Variants in CTNNA2 observed in about 807,000 individuals in gnomAD.
The protein encoded by CTNNA2 is catenin alpha-2.
In CTNNA2, 42 loss-of-function variants were observed where a neutral mutation model predicts 101.0. That is an observed-to-expected ratio of 0.42 (90% CI 0.32 to 0.54). CTNNA2 has a LOEUF of 0.54. Ranked by LOEUF, CTNNA2 falls within the 20% of genes least tolerant of loss-of-function variation. The pLI is 0.14. For missense variants in CTNNA2, 871 were observed against 1,223.1 expected, an observed-to-expected ratio of 0.71 and a Z score of 4.29; for synonymous variants, 450 against 456.4, an observed-to-expected ratio of 0.99 and a Z score of 0.18.
intron 7 of CTNNA2, among the ~76,000 whole-genome samples, chr2:80,097,887 T>C (rs1446907291): frequency 6.6e-6 from 1 of 152,330 alleles, no homozygotes; most frequent in East Asian, 1.9e-4. Context: ...CTGCATTGGT[T>C]ATTCTAGTTA....
chr2:80,474,052 A>G (rs1685522284), intron 9 of CTNNA2, among the ~76,000 whole-genome samples: 1 of 152,158 alleles, frequency 6.6e-6, no homozygotes, highest in Non-Finnish European at 1.5e-5. Context: ...CAGTCTTTAC[A>G]ATTCACTCTT....
chr2:79,613,443 AAAT>A (rs912406799), intron 1 of CTNNA2, among the ~76,000 whole-genome samples: 2 of 151,670 alleles, frequency 1.3e-5, no homozygotes, highest in Non-Finnish European at 2.9e-5. Flanking sequence ...TCCTAAAGTA[AAAT>A]AATAATAATA....
intron 18 of CTNNA2, among the ~76,000 whole-genome samples, chr2:80,627,284 A>G (rs1027645682): frequency 6.6e-6 from 1 of 152,188 alleles, no homozygotes; most frequent in African/African-American, 2.4e-5. Flanking sequence ...TCCTTGAAGA[A>G]TCGCCACACT....
At chr2:79,428,067 C>A (rs570671190) in intron 4 of CTNNA2, among the ~76,000 whole-genome samples, 7 of 152,190 alleles carry the variant, frequency 4.6e-5, no homozygotes, top group Admixed American at 4.6e-4. Context: ...TCCTTAATGT[C>A]TTTGCTTTTT....
At chr2:80,523,615 C>A (rs1052430964) in intron 9 of CTNNA2, among the ~76,000 whole-genome samples, 1 of 152,142 alleles carries the variant, frequency 6.6e-6, no homozygotes, top group Admixed American at 6.5e-5. Flanking sequence ...GGCTCTACAG[C>A]GAGCTCGGCT....
chr2:80,644,936 T>C (rs1005020639), intron 18 of CTNNA2, among the ~76,000 whole-genome samples: 2 of 152,176 alleles, frequency 1.3e-5, no homozygotes, highest in Admixed American at 1.3e-4. Flanking sequence ...TCTCATATTT[T>C]TGCTGCAGAA....
chr2:80,004,949 G>A (rs148953643), intron 7 of CTNNA2, among the ~76,000 whole-genome samples: 1 of 152,234 alleles, frequency 6.6e-6, no homozygotes, highest in African/African-American at 2.4e-5. Context: ...GCTGGCCCCG[G>A]CCTCCCAAAG....
At chr2:80,627,845 C>T (rs896940496) in intron 18 of CTNNA2, among the ~76,000 whole-genome samples, 17 of 151,770 alleles carry the variant, frequency 1.1e-4, no homozygotes, top group Non-Finnish European at 2.1e-4. Context: ...TTTTTAAGTC[C>T]TACATTTAAG....
At chr2:80,079,865 A>AATAAAATAAAATAAAATAAG (rs1699022475) in intron 7 of CTNNA2, among the ~76,000 whole-genome samples, 2 of 112,978 alleles carry the variant, frequency 1.8e-5, no homozygotes, top group African/African-American at 6.6e-5. Context: ...AATAAAATAA[A>AATAAAATAAAATAAAATAAG]ATAAAATAAA....
At chr2:79,777,327 ATGTGTGTGTG>A (rs67347678) in intron 3 of CTNNA2, among the ~76,000 whole-genome samples, 3,114 of 139,660 alleles carry the variant, frequency 0.022, 56 homozygotes, top group South Asian at 0.12. Flanking sequence ...AACACTTGTT[ATGTGTGTGTG>A]TGTGTGTGTG....
At chr2:80,250,377 G>A (rs1671672925) in intron 7 of CTNNA2, among the ~76,000 whole-genome samples, 1 of 152,106 alleles carries the variant, frequency 6.6e-6, no homozygotes, top group Non-Finnish European at 1.5e-5. Context: ...GGAATTATTA[G>A]CATATGATCC....
intron 7 of CTNNA2, among the ~76,000 whole-genome samples, chr2:80,136,475 T>C (rs1702702788): frequency 1.3e-5 from 2 of 152,180 alleles, no homozygotes; most frequent in Admixed American, 6.5e-5. Flanking sequence ...TTCCTTCTTG[T>C]GGTTTCCAAA....
At chr2:80,090,166 GTGTGTGTGTGTGTGTGTGTGTGTT>G (rs1699705360) in intron 7 of CTNNA2, among the ~76,000 whole-genome samples, 1 of 150,464 alleles carries the variant, frequency 6.6e-6, no homozygotes, top group African/African-American at 2.5e-5. Flanking sequence ...GTGTGTGTGT[GTGTGTGTGTGTGTGTGTGTGTGTT>G]TGTGTGTATG....
At chr2:80,269,952 G>A (rs2149137196) in intron 7 of CTNNA2, among the ~76,000 whole-genome samples, 1 of 152,226 alleles carries the variant, frequency 6.6e-6, no homozygotes, top group Admixed American at 6.5e-5. Context: ...AGCAGCTCTG[G>A]CCAACCTAGC....
intron 4 of CTNNA2, among the ~76,000 whole-genome samples, chr2:79,477,168 C>CTTTTTTTT (rs5832392): frequency 3.5e-3 from 431 of 123,008 alleles, no homozygotes; most frequent in Middle Eastern, 4.4e-3. Context: ...TCTTTTTTTT[C>CTTTTTTTT]TTTTTTTTTT....
At chr2:79,956,228 A>T in intron 7 of CTNNA2, among the ~76,000 whole-genome samples, 1 of 152,030 alleles carries the variant, frequency 6.6e-6, no homozygotes, top group East Asian at 1.9e-4. Flanking sequence ...GACTCCAGAA[A>T]ATTTTGCTTA....
intron 2 of CTNNA2, among the ~76,000 whole-genome samples, chr2:79,652,210 A>G (rs958202040): frequency 2.0e-5 from 3 of 148,696 alleles, no homozygotes; most frequent in East Asian, 4.0e-4. Flanking sequence ...GCTCTTTGCT[A>G]TTTTAACTCT....
chr2:80,022,437 G>T (rs1329414130), intron 7 of CTNNA2, among the ~76,000 whole-genome samples: 1 of 152,148 alleles, frequency 6.6e-6, no homozygotes, highest in Non-Finnish European at 1.5e-5. Context: ...GGGTGGGAAA[G>T]CGTTTGATCT....
intron 7 of CTNNA2, among the ~76,000 whole-genome samples, chr2:80,025,271 C>A (rs1260068882): frequency 1.3e-5 from 2 of 152,116 alleles, no homozygotes; most frequent in Non-Finnish European, 2.9e-5. Flanking sequence ...GGCCATGGGT[C>A]CAGGCTTGAG....
Sources: gnomAD v4.1 joint callset for allele counts (sites outside exome capture counted in the v4.1 genomes callset) on GRCh38, gnomAD v4.1.1 for gene constraint, MANE v1.5 for transcripts, NCBI Gene and HGNC (gene_info 2026-07-23, HGNC 2026-07-21) for gene names.